ATG4C: variants seen among roughly 807,000 people sequenced by gnomAD.
The protein encoded by ATG4C is cysteine protease ATG4C.
In ATG4C, 56 loss-of-function variants were observed where a neutral mutation model predicts 57.6. The observed-to-expected ratio is 0.97, with a 90% CI of 0.78 to 1.21. ATG4C has a LOEUF of 1.21. Ranked by LOEUF, ATG4C falls within the 50% of genes most tolerant of loss-of-function variation. The pLI is 0.00. For synonymous variants in ATG4C, 157 were observed against 174.1 expected (o/e 0.90, Z 0.78); for missense variants, 595 against 529.8 (o/e 1.12, Z -1.21).
intron 10 of ATG4C, among the ~76,000 whole-genome samples, chr1:62,861,338 G>C (rs1572183138): frequency 6.6e-6 from 1 of 152,038 alleles, no homozygotes; most frequent in Non-Finnish European, 1.5e-5. Flanking sequence ...TTGAGTTCAG[G>C]AGTTTGAGAC....
At chr1:62,786,214 T>C (rs1664077034) in intron 1 of ATG4C, among the ~76,000 whole-genome samples, 1 of 152,184 alleles carries the variant, frequency 6.6e-6, no homozygotes, top group Non-Finnish European at 1.5e-5. Flanking sequence ...TCCTGAAATA[T>C]ATAAAGAGCG....
chr1:62,862,417 G>A (rs1666884546), intron 10 of ATG4C, among the ~76,000 whole-genome samples: 3 of 152,074 alleles, frequency 2.0e-5, no homozygotes, highest in East Asian at 1.9e-4. Context: ...ATACTTGCCC[G>A]TTAGATACTG....
chr1:62,791,749 C>A (rs188049292), intron 1 of ATG4C, among the ~76,000 whole-genome samples: 1 of 152,292 alleles, frequency 6.6e-6, no homozygotes, highest in East Asian at 1.9e-4. Context: ...CTTAAAGGCA[C>A]CATGATAACA....
chr1:62,850,176 AC>A (rs554426891), intron 10 of ATG4C, among the ~76,000 whole-genome samples: 305 of 152,262 alleles, frequency 2.0e-3, no homozygotes, highest in South Asian at 8.7e-3. Flanking sequence ...CAGCCTAAAA[AC>A]TGGATCCCTT....
chr1:62,817,932 A>C (rs1665335373), intron 4 of ATG4C, among the ~76,000 whole-genome samples: 1 of 152,134 alleles, frequency 6.6e-6, no homozygotes, highest in Admixed American at 6.6e-5. Flanking sequence ...TTTAGAGAGA[A>C]TGTTTATTGA....
intron 4 of ATG4C, among the ~76,000 whole-genome samples, chr1:62,817,832 T>A (rs1665331999): frequency 6.6e-6 from 1 of 152,224 alleles, no homozygotes; most frequent in Non-Finnish European, 1.5e-5. Flanking sequence ...TTATTAAATA[T>A]TGTCAGATTT....
intron 1 of ATG4C, among the ~76,000 whole-genome samples, chr1:62,795,834 TAAA>T (rs112840341): frequency 7.2e-6 from 1 of 139,678 alleles, no homozygotes. Context: ...CCTTTTTACT[TAAA>T]AAAAAAAAAA....
At chr1:62,786,267 A>G (rs1256618430) in intron 1 of ATG4C, among the ~76,000 whole-genome samples, 1 of 152,036 alleles carries the variant, frequency 6.6e-6, no homozygotes, top group Non-Finnish European at 1.5e-5. Flanking sequence ...CATACCAGAC[A>G]CTCTTCAAGG....
In ATG4C at chr1:62,791,782, C is replaced by G. The variant is rs190882745; in HGVS notation, c.-69+7509C>G. 2.5e-4 allele frequency among the ~76,000 whole-genome samples: 38 copies of G among 152,248 alleles called. No individual in the cohort carries two copies. The East Asian group carries it at 6.4e-3, about 25-fold the overall frequency. ...ACATTCATATTTACTTATTACATAC[C>G]TCAAAATCACTGTATCTTAAACTGA... On this transcript the variant is annotated intron_variant, in intron 1 of 10. Transcript: ENST00000317868.
At chr1:62,814,269 C>A (rs575130979) in intron 3 of ATG4C, among the ~76,000 whole-genome samples, 25 of 152,192 alleles carry the variant, frequency 1.6e-4, no homozygotes, top group African/African-American at 6.0e-4. Context: ...GCAGCCATAA[C>A]AAATGATAAG....
At chr1:62,839,214 A>G (rs1321670782) in intron 9 of ATG4C, among the ~76,000 whole-genome samples, 1 of 152,146 alleles carries the variant, frequency 6.6e-6, no homozygotes, top group Non-Finnish European at 1.5e-5. Flanking sequence ...GAATGCCACC[A>G]CACCTGGCTA....
intron 1 of ATG4C, among the ~76,000 whole-genome samples, chr1:62,786,066 G>A (rs1000026797): frequency 1.3e-5 from 2 of 152,142 alleles, no homozygotes; most frequent in South Asian, 2.1e-4. Flanking sequence ...AAGCATTAGC[G>A]CAGTTATTCC....
rs1288333491 is a variant in ATG4C at position 62,819,209 on chromosome 1, T to G, written c.599T>G (p.Ile200Ser). The G allele has an allele frequency of 1.9e-6, 3 of 1,613,502 alleles. No homozygotes were observed. Among genetic ancestry groups the G allele is most frequent in the Non-Finnish European group, 2.5e-6 (3 of 1,179,728 alleles). Reference sequence around the variant, plus strand: ...CGAAATGAAGTTTATCATAGGAAAATCATCTCTTGGTTTGGTGATTCCCCC... The same window carrying G: ...CGAAATGAAGTTTATCATAGGAAAAGCATCTCTTGGTTTGGTGATTCCCCC... ...EMRNEVYHRKIISWFGDSPLA... is the reference protein window; with the variant it reads ...EMRNEVYHRKSISWFGDSPLA... Residue 200 changes from isoleucine to serine, a missense_variant, in exon 5 of 11, where the codon ATC becomes AGC. Transcript: ENST00000317868.
intron 9 of ATG4C, among the ~76,000 whole-genome samples, chr1:62,840,736 C>A (rs1572156527): frequency 1.3e-5 from 2 of 152,178 alleles, no homozygotes; most frequent in East Asian, 1.9e-4. Flanking sequence ...CTCCCCAGCC[C>A]ATTTATATCT....
At chr1:62,807,022 A>T (rs4915855) in intron 3 of ATG4C, among the ~76,000 whole-genome samples, 1,653 of 152,292 alleles carry the variant, frequency 0.011, 12 homozygotes, top group Non-Finnish European at 0.017. Flanking sequence ...TACAATGATT[A>T]TTTTTGAGCA....
intron 3 of ATG4C, among the ~76,000 whole-genome samples, chr1:62,808,181 G>T (rs561675690): frequency 6.6e-6 from 1 of 152,316 alleles, no homozygotes; most frequent in African/African-American, 2.4e-5. Flanking sequence ...TTTGATACAG[G>T]GCAGTGCATC....
intron 1 of ATG4C, among the ~76,000 whole-genome samples, chr1:62,796,183 C>T (rs1346409949): frequency 1.4e-5 from 2 of 139,386 alleles, no homozygotes; most frequent in African/African-American, 5.3e-5. Flanking sequence ...CAAAAGCAGG[C>T]AAGCGGTTTC....
chr1:62,834,068 A>G lies in ATG4C; in HGVS notation c.964A>G (p.Ile322Val), dbSNP rs759056180. Residue 322 changes from isoleucine (I) to valine (V), a missense_variant, in exon 8 of 11, where the codon ATT (isoleucine) becomes GTT (valine). Ile to Val is a conservative substitution (Grantham distance 29). Coordinates refer to ENST00000317868, the MANE Select transcript of ATG4C (RefSeq NM_032852.4). ...GILSLEYCVG[I>V]IGGKPKQSYY... Reference sequence around the variant, plus strand: ...TTTAAGCCTGGAATATTGTGTGGGTATTATTGGTGGCAAACCTAAACAGTC... The same window carrying G: ...TTTAAGCCTGGAATATTGTGTGGGTGTTATTGGTGGCAAACCTAAACAGTC... 1 of 1,612,804 alleles carries G rather than the reference A, an allele frequency of 6.2e-7. No homozygotes were observed. Among genetic ancestry groups the G allele is most frequent in the South Asian group, 1.1e-5 (1 of 90,938 alleles).
At chr1:62,814,152 T>TTATATTCACAC (rs1553224847) in intron 3 of ATG4C, among the ~76,000 whole-genome samples, 1 of 152,210 alleles carries the variant, frequency 6.6e-6, no homozygotes, top group African/African-American at 2.4e-5. Context: ...ACATGTATGT[T>TTATATTCACAC]TATTGCGGCA....
Sources: gnomAD v4.1 joint callset for allele counts (sites outside exome capture counted in the v4.1 genomes callset) on GRCh38, gnomAD v4.1.1 for gene constraint, MANE v1.5 for transcripts, NCBI Gene and HGNC (gene_info 2026-07-23, HGNC 2026-07-21) for gene names.